Variants in NSMCE2 observed in about 807,000 individuals in gnomAD.
The protein encoded by NSMCE2 is E3 SUMO-protein ligase NSE2.
Under a neutral mutation model 23.8 loss-of-function variants are expected in NSMCE2, and 24 were observed. The ratio of observed to expected loss-of-function variants is 1.01; its 90% CI spans 0.73 to 1.42. NSMCE2 has a LOEUF of 1.42. NSMCE2 is among the 40% of genes most tolerant of loss of function. NSMCE2 has a pLI of 0.00. For missense variants in NSMCE2, 284 were observed against 296.5 expected, an observed-to-expected ratio of 0.96 and a Z score of 0.31; for synonymous variants, 92 against 94.1, an observed-to-expected ratio of 0.98 and a Z score of 0.13.
chr8:125,206,562 C>T (rs1414288278), intron 5 of NSMCE2, among the ~76,000 whole-genome samples: 1 of 152,056 alleles, frequency 6.6e-6, no homozygotes, highest in Non-Finnish European at 1.5e-5. Context: ...TAGGATTTGT[C>T]AAATATTTCA....
chr8:125,280,238 T>C (rs895543005), intron 5 of NSMCE2, among the ~76,000 whole-genome samples: 1 of 152,248 alleles, frequency 6.6e-6, no homozygotes. Flanking sequence ...CTGCCTTTGC[T>C]GGAAGTTGGT....
chr8:125,279,948 T>C (rs1284907554), intron 5 of NSMCE2, among the ~76,000 whole-genome samples: 1 of 152,230 alleles, frequency 6.6e-6, no homozygotes, highest in Non-Finnish European at 1.5e-5. Flanking sequence ...TAAGAAATAG[T>C]GTGAACCACG....
chr8:125,280,629 T>G (rs1184761406), intron 5 of NSMCE2, among the ~76,000 whole-genome samples: 1 of 152,220 alleles, frequency 6.6e-6, no homozygotes, highest in Non-Finnish European at 1.5e-5. Flanking sequence ...AAAGAAAGTA[T>G]TTGAAGTCCA....
At chr8:125,146,889 A>C (rs919716771) in intron 3 of NSMCE2, among the ~76,000 whole-genome samples, 27 of 152,130 alleles carry the variant, frequency 1.8e-4, no homozygotes, top group African/African-American at 6.0e-4. Flanking sequence ...TAAAACTTAA[A>C]GTATAAAAAA....
chr8:125,357,885 C>A, intron 7 of NSMCE2, 67 bp downstream of exon 7: 1 of 1,097,824 alleles, frequency 9.1e-7, no homozygotes. Context: ...GGCGTGTTCA[C>A]GCTAGAGGAA....
intron 5 of NSMCE2, among the ~76,000 whole-genome samples, chr8:125,260,539 G>C (rs1049987650): frequency 1.3e-5 from 2 of 149,054 alleles, no homozygotes; most frequent in South Asian, 2.2e-4. Flanking sequence ...TTTCCTTCTC[G>C]GGGCCTGAGT....
chr8:125,290,021 T>G (rs1012143430), intron 5 of NSMCE2, among the ~76,000 whole-genome samples: 1 of 152,236 alleles, frequency 6.6e-6, no homozygotes. Flanking sequence ...GTCTTTGATG[T>G]TCTGCCCTTG....
intron 5 of NSMCE2, among the ~76,000 whole-genome samples, chr8:125,251,876 A>G (rs940606252): frequency 6.6e-6 from 1 of 152,206 alleles, no homozygotes. Context: ...TTTTCCCTAC[A>G]GTATACTGCA....
At chr8:125,257,535 T>C (rs1203025784) in intron 5 of NSMCE2, among the ~76,000 whole-genome samples, 2 of 139,480 alleles carry the variant, frequency 1.4e-5, no homozygotes, top group Non-Finnish European at 3.1e-5. Context: ...TTTTTTTTTT[T>C]TTTTTTTTTT....
At chr8:125,127,434 A>G (rs1819568907) in intron 3 of NSMCE2, among the ~76,000 whole-genome samples, 1 of 152,230 alleles carries the variant, frequency 6.6e-6, no homozygotes, top group Non-Finnish European at 1.5e-5. Context: ...AGTATGTTCT[A>G]GTTTTAGAAA....
At chr8:125,197,159 C>A (rs1050699193) in intron 5 of NSMCE2, among the ~76,000 whole-genome samples, 11 of 152,206 alleles carry the variant, frequency 7.2e-5, no homozygotes, top group Non-Finnish European at 1.5e-4. Context: ...CCTGTTCACT[C>A]TGATGGTAGT....
intron 4 of NSMCE2, among the ~76,000 whole-genome samples, chr8:125,159,713 A>C (rs1229953946): frequency 6.6e-6 from 1 of 152,164 alleles, no homozygotes; most frequent in Admixed American, 6.5e-5. Flanking sequence ...GTTGCTTATT[A>C]GTCTCAAATT....
intron 1 of NSMCE2, among the ~76,000 whole-genome samples, chr8:125,100,387 T>C (rs1818134167): frequency 6.6e-6 from 1 of 151,714 alleles, no homozygotes; most frequent in South Asian, 2.1e-4. Flanking sequence ...TCGTCTTTTA[T>C]CCTTTAAACT....
chr8:125,102,145 A>G lies in NSMCE2; in HGVS notation c.-16A>G, dbSNP rs538058604. On this transcript the variant is annotated splice_region_variant and 5_prime_UTR_variant, in exon 2 of 8. Transcript: ENST00000287437. ...TGAGTCCAGCTGTGTTTGGTGGCCC[A>G]GGTGAGTGGCACAGTGATTTGGTGT... 3.6e-6 allele frequency: 2 copies of G among 558,090 alleles called. No homozygotes were observed. Among genetic ancestry groups the G allele is most frequent in the African/African-American group, 3.8e-5 (2 of 53,108 alleles). 34.6% of individuals were successfully genotyped at this position (558,090 alleles called of 1,614,324 possible).
rs555102061 is a variant in NSMCE2, at chr8:125,105,257, G to T, written c.157+2770G>T. Among the ~76,000 whole-genome samples the T allele has an allele frequency of 2.6e-5, 4 of 152,234 alleles. No homozygotes were observed. The South Asian group carries it at 8.3e-4, about 32-fold the overall frequency. ...GTGTCACTCATAATCTTTTTAGTGGGTGGCCTCCAAATGTTTTAACCCTAC... is the reference window on the plus strand; with the variant it reads ...GTGTCACTCATAATCTTTTTAGTGGTTGGCCTCCAAATGTTTTAACCCTAC... On this transcript the variant is annotated intron_variant, in intron 3 of 7. Coordinates refer to ENST00000287437, the MANE Select transcript of NSMCE2 (RefSeq NM_173685.4).
At chr8:125,093,656 G>C (rs1056457304) in intron 1 of NSMCE2, among the ~76,000 whole-genome samples, 1 of 152,200 alleles carries the variant, frequency 6.6e-6, no homozygotes, top group African/African-American at 2.4e-5. Flanking sequence ...CCAGGAAGCA[G>C]AGGTTGAGGT....
chr8:125,127,061 T>C (rs1819551341), intron 3 of NSMCE2: 1 of 152,228 alleles, frequency 6.6e-6, no homozygotes. Context: ...TGCTATCTGC[T>C]AGCTCTGTGA....
At chr8:125,179,694 A>G (rs1475610024) in intron 4 of NSMCE2, among the ~76,000 whole-genome samples, 1 of 152,184 alleles carries the variant, frequency 6.6e-6, no homozygotes, top group African/African-American at 2.4e-5. Flanking sequence ...AGCACAGTGA[A>G]TCACTAAAAA....
intron 1 of NSMCE2, among the ~76,000 whole-genome samples, chr8:125,099,571 G>A (rs1818088030): frequency 1.3e-5 from 2 of 152,172 alleles, no homozygotes; most frequent in South Asian, 4.1e-4. Context: ...GGCAGGTGCA[G>A]AAAGTGCATC....
Sources: allele counts gnomAD v4.1 joint callset (sites outside exome capture counted in the v4.1 genomes callset), GRCh38; gene constraint gnomAD v4.1.1; transcripts MANE v1.5; gene names NCBI Gene and HGNC (gene_info 2026-07-23, HGNC 2026-07-21).